The following SLCO6A1 variants were observed in gnomAD, a reference collection of about 807,000 sequenced individuals.
SLCO6A1 encodes the protein cancer/testis antigen 48.
In SLCO6A1, 65 loss-of-function variants were observed where a neutral mutation model predicts 72.7. That is an observed-to-expected ratio of 0.89 (90% CI 0.73 to 1.10). The LOEUF is 1.10. Ranked by LOEUF, SLCO6A1 falls within the 50% of genes least tolerant of loss-of-function variation. The pLI is 0.00. For missense variants in SLCO6A1, 874 were observed against 872.6 expected (o/e 1.00, Z -0.02); for synonymous variants, 314 against 298.2 (o/e 1.05, Z -0.55).
At chr5:102,498,381 G>C in intron 1 of SLCO6A1, 106 bp downstream of exon 1, 1 of 1,087,284 alleles carries the variant, frequency 9.2e-7, no homozygotes, top group Non-Finnish European at 1.3e-6. Context: ...CCACCCCAGG[G>C]CATGCTGGGC....
At chr5:102,377,536 T>C (rs1700166224) in intron 12 of SLCO6A1, among the ~76,000 whole-genome samples, 1 of 152,068 alleles carries the variant, frequency 6.6e-6, no homozygotes, top group Non-Finnish European at 1.5e-5. Flanking sequence ...TCCACAAGGG[T>C]ACTCAATTAT....
intron 1 of SLCO6A1, among the ~76,000 whole-genome samples, chr5:102,483,544 C>G (rs1212194527): frequency 6.6e-6 from 1 of 152,064 alleles, no homozygotes; most frequent in African/African-American, 2.4e-5. Flanking sequence ...AAGTGGCAAG[C>G]AATTTTTGGT....
At chr5:102,445,825 G>A (rs1465096222) in intron 6 of SLCO6A1, among the ~76,000 whole-genome samples, 12 of 152,256 alleles carry the variant, frequency 7.9e-5, no homozygotes, top group Non-Finnish European at 1.6e-4. Context: ...TGAATAGGGA[G>A]TAATTTGCCT....
intron 4 of SLCO6A1, among the ~76,000 whole-genome samples, chr5:102,470,686 A>T (rs1751564728): frequency 6.6e-6 from 1 of 151,854 alleles, no homozygotes; most frequent in Non-Finnish European, 1.5e-5. Context: ...TGCTTCCCCT[A>T]GGGATGGGGC....
chr5:102,456,054 A>G (rs1340744357), intron 6 of SLCO6A1, among the ~76,000 whole-genome samples: 1 of 152,218 alleles, frequency 6.6e-6, no homozygotes, highest in East Asian at 1.9e-4. Context: ...AAAATTCAAT[A>G]ACCCTTCATG....
At chr5:102,433,168 C>T (rs887569019) in intron 7 of SLCO6A1, among the ~76,000 whole-genome samples, 2 of 152,126 alleles carry the variant, frequency 1.3e-5, no homozygotes, top group East Asian at 1.9e-4. Context: ...TTCCAGATCC[C>T]GTATACTTTG....
At chr5:102,440,522 G>A (rs6885800) in intron 6 of SLCO6A1, among the ~76,000 whole-genome samples, 98,279 of 151,840 alleles carry the variant, frequency 0.65, 32,011 homozygotes, top group African/African-American at 0.67. Context: ...TATGGTGAGT[G>A]TGTAATAATA....
chr5:102,455,645 C>A (rs1207754767), intron 6 of SLCO6A1, among the ~76,000 whole-genome samples: 1 of 152,118 alleles, frequency 6.6e-6, no homozygotes, highest in Admixed American at 6.6e-5. Context: ...AATATTGATA[C>A]ATGCATGTCA....
Position 102,419,845 on chromosome 5 carries a change from TC to T in SLCO6A1, c.1452del (p.Ile485SerfsTer70). On this transcript the variant is annotated frameshift_variant, in exon 8 of 14. Transcript: ENST00000506729. LOFTEE classifies it high-confidence loss of function. Reference sequence around the variant, plus strand: ...ATTTACCCATCATAATCTTCATTGATCCCAGCAAATTGCACTGGATTACAGC... The same window carrying T: ...ATTTACCCATCATAATCTTCATTGATCCAGCAAATTGCACTGGATTACAGC... ...FVRCNPVQFA[G>X]INEDYDGTGK... The T allele has an allele frequency of 6.3e-7, 1 of 1,598,924 alleles. No individual in the cohort carries two copies. Among genetic ancestry groups the T allele is most frequent in the South Asian group, 1.1e-5 (1 of 87,038 alleles).
intron 7 of SLCO6A1, among the ~76,000 whole-genome samples, chr5:102,421,423 G>A (rs1369684902): frequency 6.6e-6 from 1 of 152,232 alleles, no homozygotes; most frequent in Admixed American, 6.5e-5. Flanking sequence ...TAAGATGCTC[G>A]AGCTTGGTGG....
chr5:102,492,684 A>G (rs1243393954), intron 1 of SLCO6A1, among the ~76,000 whole-genome samples: 2 of 152,092 alleles, frequency 1.3e-5, no homozygotes, highest in African/African-American at 4.8e-5. Flanking sequence ...GGTCACTCCC[A>G]CCCTAATACT....
chr5:102,411,949 G>C (rs758699190), intron 9 of SLCO6A1, among the ~76,000 whole-genome samples: 5 of 152,052 alleles, frequency 3.3e-5, no homozygotes, highest in Non-Finnish European at 5.9e-5. Context: ...TAAAAGGTCT[G>C]AATAGGAAAT....
At chr5:102,429,753 G>GT (rs2112649702) in intron 7 of SLCO6A1, among the ~76,000 whole-genome samples, 1 of 151,402 alleles carries the variant, frequency 6.6e-6, no homozygotes, top group South Asian at 2.1e-4. Flanking sequence ...CTCCAGCTTT[G>GT]TTCTTTTTGC....
chr5:102,471,060 G>C (rs530659529), intron 4 of SLCO6A1, among the ~76,000 whole-genome samples: 7 of 152,062 alleles, frequency 4.6e-5, no homozygotes, highest in African/African-American at 1.7e-4. Flanking sequence ...TTTCTTTCGT[G>C]AGTTGTTGTA....
At chr5:102,480,040 A>C in intron 2 of SLCO6A1, 137 bp downstream of exon 2, 3 of 788,336 alleles carry the variant, frequency 3.8e-6, no homozygotes, top group Non-Finnish European at 5.9e-6. Flanking sequence ...GTTAATTAGC[A>C]AACTTGGTCA....
chr5:102,469,335 C>G (rs917639631), intron 4 of SLCO6A1, among the ~76,000 whole-genome samples: 1 of 152,040 alleles, frequency 6.6e-6, no homozygotes, highest in Admixed American at 6.6e-5. Flanking sequence ...TTTTTTATTT[C>G]GTTGAGCAGT....
chr5:102,474,205 T>C (rs1278620849), intron 4 of SLCO6A1, among the ~76,000 whole-genome samples: 1 of 151,950 alleles, frequency 6.6e-6, no homozygotes, highest in Non-Finnish European at 1.5e-5. Context: ...CTCAAAACAG[T>C]ATGGTACTGG....
In SLCO6A1 at chr5:102,388,765, TC is replaced by T. The variant is rs1746566575; in HGVS notation, c.1939del (p.Asp647MetfsTer24). 1 of 1,608,374 alleles carries T rather than the reference TC, an allele frequency of 6.2e-7. No individual in the cohort carries two copies. Among genetic ancestry groups the T allele is most frequent in the African/African-American group, 1.3e-5 (1 of 74,684 alleles). ...MSGETSCILR[D>X]VNKCGHTGRC... ...TCCTGTGTGTCCACATTTATTAACATCCCGTAAAATACAAGAAGTTTCTCCT... is the reference window on the plus strand; with the variant it reads ...TCCTGTGTGTCCACATTTATTAACATCCGTAAAATACAAGAAGTTTCTCCT... On this transcript the variant is annotated frameshift_variant, in exon 12 of 14. Coordinates refer to ENST00000506729, the MANE Select transcript of SLCO6A1 (RefSeq NM_173488.5). LOFTEE classifies it high-confidence loss of function.
chr5:102,373,336 C>T lies in SLCO6A1; in HGVS notation c.*15+1G>A. The T allele has an allele frequency of 6.5e-7, 1 of 1,530,368 alleles. No individual in the cohort carries two copies. Among genetic ancestry groups the T allele is most frequent in the Non-Finnish European group, 8.7e-7 (1 of 1,144,294 alleles). 94.8% of individuals were successfully genotyped at this position (1,530,368 alleles called of 1,614,324 possible). On this transcript the variant is annotated splice_donor_variant, in intron 13 of 13. Coordinates refer to ENST00000506729, the MANE Select transcript of SLCO6A1 (RefSeq NM_173488.5). LOFTEE classifies it low-confidence loss of function (3UTR_SPLICE). ...ATAGATTGACAATGTGTAATTCTTACACAATGATGATCCAGTTACAAGTCA... is the reference window on the plus strand; with the variant it reads ...ATAGATTGACAATGTGTAATTCTTATACAATGATGATCCAGTTACAAGTCA...
Sources: gnomAD v4.1 joint callset for allele counts (sites outside exome capture counted in the v4.1 genomes callset) on GRCh38, gnomAD v4.1.1 for gene constraint, MANE v1.5 for transcripts, NCBI Gene and HGNC (gene_info 2026-07-23, HGNC 2026-07-21) for gene names.